The following BPIFC variants were observed in gnomAD, a reference collection of about 807,000 sequenced individuals.
The protein encoded by BPIFC is BPI fold containing family C.
In BPIFC, 60 loss-of-function variants were observed where a neutral mutation model predicts 57.6. That is an observed-to-expected ratio of 1.04 (90% CI 0.85 to 1.29). The LOEUF is 1.29. BPIFC is among the 50% of genes most tolerant of loss of function. BPIFC has a pLI of 0.00. For synonymous variants in BPIFC, 243 were observed against 224.5 expected, an observed-to-expected ratio of 1.08 and a Z score of -0.74; for missense variants, 581 against 600.5, an observed-to-expected ratio of 0.97 and a Z score of 0.34.
At chr22:32,441,557 C>T (rs1020608461) in intron 8 of BPIFC, among the ~76,000 whole-genome samples, 1 of 152,080 alleles carries the variant, frequency 6.6e-6, no homozygotes, top group African/African-American at 2.4e-5. Flanking sequence ...GTCATGTGAG[C>T]ACAGAGGAGG....
At chr22:32,421,525 TC>T (rs1933847085) in intron 13 of BPIFC, among the ~76,000 whole-genome samples, 1 of 152,116 alleles carries the variant, frequency 6.6e-6, no homozygotes, top group Non-Finnish European at 1.5e-5. Flanking sequence ...CCCTTTCCAA[TC>T]CATCTTCTAC....
At chr22:32,435,653 A>T (rs749888258) in intron 10 of BPIFC, 51 bp downstream of exon 10, 2 of 1,554,986 alleles carry the variant, frequency 1.3e-6, no homozygotes, top group African/African-American at 2.7e-5. Context: ...GGATACTTAT[A>T]AAAAGGCTGA....
intron 8 of BPIFC, among the ~76,000 whole-genome samples, chr22:32,439,337 AT>A (rs1377789559): frequency 3.3e-5 from 5 of 150,860 alleles, no homozygotes; most frequent in Non-Finnish European, 7.4e-5. Context: ...AAAAAAAAAA[AT>A]AAATGAAAGC....
intron 13 of BPIFC, among the ~76,000 whole-genome samples, chr22:32,425,897 C>G (rs2145920936): frequency 6.6e-6 from 1 of 152,314 alleles, no homozygotes; most frequent in East Asian, 1.9e-4. Context: ...TCACAACCTT[C>G]TCCTGAAGTA....
At chr22:32,462,699 G>T (rs938433818) in intron 1 of BPIFC, among the ~76,000 whole-genome samples, 8 of 152,128 alleles carry the variant, frequency 5.3e-5, no homozygotes, top group African/African-American at 1.9e-4. Context: ...ACCCAACCTT[G>T]TTCTTCTGGT....
At chr22:32,445,731 A>AT (rs773917431) in intron 6 of BPIFC, 33 bp from the exon 7 acceptor site, 306 of 1,532,222 alleles carry the variant, frequency 2.0e-4, no homozygotes, top group South Asian at 1.2e-3. Context: ...AAAAAAAAAA[A>AT]AAAAGAGGTT....
intron 7 of BPIFC, among the ~76,000 whole-genome samples, chr22:32,443,308 C>G (rs368556990): frequency 6.6e-6 from 1 of 152,142 alleles, no homozygotes; most frequent in South Asian, 2.1e-4. Context: ...GGACTACAGG[C>G]GCTCGCCACT....
At chr22:32,423,680 A>C (rs572310878) in intron 13 of BPIFC, among the ~76,000 whole-genome samples, 10 of 151,654 alleles carry the variant, frequency 6.6e-5, no homozygotes, top group Admixed American at 1.3e-4. Flanking sequence ...TCAAAAAAAA[A>C]ACAAAAAAAC....
intron 8 of BPIFC, among the ~76,000 whole-genome samples, chr22:32,440,491 G>A (rs113937804): frequency 5.3e-5 from 8 of 152,126 alleles, no homozygotes; most frequent in Non-Finnish European, 8.8e-5. Context: ...GGGGCACAGC[G>A]GTGAGTCAAA....
intron 13 of BPIFC, among the ~76,000 whole-genome samples, chr22:32,420,333 AAAT>A (rs201628812): frequency 0.024 from 3,515 of 144,120 alleles, 71 homozygotes; most frequent in African/African-American, 0.053. Context: ...AAAAAAAAAA[AAAT>A]AGTTTTCAGG....
chr22:32,457,876 T>A (rs1411111165), intron 2 of BPIFC, among the ~76,000 whole-genome samples: 1 of 152,218 alleles, frequency 6.6e-6, no homozygotes, highest in Non-Finnish European at 1.5e-5. Context: ...GAACATCTGA[T>A]ACACGATGTT....
chr22:32,461,145 C>T (rs1033867642), intron 2 of BPIFC, among the ~76,000 whole-genome samples: 2 of 151,864 alleles, frequency 1.3e-5, no homozygotes, highest in Admixed American at 6.6e-5. Context: ...TAGTTGGGGG[C>T]ACTGGGAATA....
At position 32,437,760 on chromosome 22, in the gene BPIFC, C is replaced by T. The variant is rs1047892593; in HGVS notation, c.747G>A (p.Lys249=). 1.3e-6 allele frequency: 2 copies of T among 1,588,196 alleles called. No individual in the cohort carries two copies. The highest frequency in any genetic ancestry group is 1.7e-5 in the Admixed American group (1 of 59,972). The change falls in exon 9 of 17, where the codon AAG becomes AAA. Residue 249 remains lysine, a splice_region_variant and synonymous_variant. Coordinates refer to ENST00000300399, the MANE Select transcript of BPIFC (RefSeq NM_174932.3). The part of the protein sequence containing the change: ...ITENYLDLNL[K]GVFYPLENLT... ...AGGATTCTGATGATGATAAAGTTAC[C>T]TTCAAGTTCAGGTCAAGGTAGTTCT...
At chr22:32,459,534 G>C (rs747815958) in intron 2 of BPIFC, among the ~76,000 whole-genome samples, 2 of 152,096 alleles carry the variant, frequency 1.3e-5, no homozygotes, top group Non-Finnish European at 2.9e-5. Flanking sequence ...GTGGTGGCGG[G>C]CGCTTGTAGT....
Position 32,447,217 on chromosome 22 carries a change from T to C in BPIFC, c.369A>G (p.Pro123=). The stretch of plus-strand genomic sequence containing the variant: ...CATTTCAGTGGAATACTCACAAAAG[T>C]GGAGACTCGAACCCCCAGTCTGTGC... ...NISTDWGFES[P]LFQDTGGADL... Residue 123 remains proline (P), a synonymous_variant, in exon 5 of 17, where the codon CCA becomes CCG. Coordinates refer to ENST00000300399, the MANE Select transcript of BPIFC (RefSeq NM_174932.3). 6.3e-7 allele frequency: 1 copy of C among 1,599,712 alleles called. No homozygotes were observed. The highest frequency in any genetic ancestry group is 8.5e-7 in the Non-Finnish European group (1 of 1,173,606).
intron 15 of BPIFC, among the ~76,000 whole-genome samples, chr22:32,416,821 C>G (rs1028379462): frequency 6.6e-6 from 1 of 152,214 alleles, no homozygotes; most frequent in Admixed American, 6.5e-5. Context: ...TGGTTTCAAT[C>G]TCCTTAACTC....
intron 9 of BPIFC, among the ~76,000 whole-genome samples, 169 bp from the exon 10 acceptor site, chr22:32,436,049 C>T (rs1365626108): frequency 2.0e-5 from 3 of 152,202 alleles, no homozygotes; most frequent in Admixed American, 1.3e-4. Context: ...GCGGGTGAAT[C>T]ACTGGAACAC....
intron 3 of BPIFC, among the ~76,000 whole-genome samples, chr22:32,456,591 A>G (rs1568961014): frequency 6.6e-6 from 1 of 152,194 alleles, no homozygotes; most frequent in African/African-American, 2.4e-5. Context: ...GGACTGAGAA[A>G]GCTCCATCAT....
intron 1 of BPIFC, among the ~76,000 whole-genome samples, chr22:32,462,238 T>C (rs1415287463): frequency 8.9e-6 from 1 of 112,748 alleles, no homozygotes; most frequent in African/African-American, 3.4e-5. Flanking sequence ...TTCATAGCAA[T>C]GGAATGCAAT....
Sources: allele counts gnomAD v4.1 joint callset (sites outside exome capture counted in the v4.1 genomes callset), GRCh38; gene constraint gnomAD v4.1.1; transcripts MANE v1.5; gene names NCBI Gene and HGNC (gene_info 2026-07-23, HGNC 2026-07-21).